Variants in CUX1 observed in about 807,000 individuals in gnomAD.
The protein encoded by CUX1 is protein CASP.
A neutral mutation model predicts 158.8 loss-of-function variants in CUX1; 31 were observed. That is an observed-to-expected ratio of 0.20 (90% CI 0.15 to 0.26). The LOEUF (loss-of-function observed/expected upper bound fraction) is 0.26, where lower values mean the gene tolerates loss of function less well. Ranked by LOEUF, CUX1 falls within the 10% of genes least tolerant of loss-of-function variation. CUX1 has a pLI of 1.00. For synonymous variants in CUX1, 879 were observed against 862.1 expected, an observed-to-expected ratio of 1.02 and a Z score of -0.34; for missense variants, 1,589 against 2,014.6, an observed-to-expected ratio of 0.79 and a Z score of 4.04.
intron 2 of CUX1, among the ~76,000 whole-genome samples, chr7:101,955,423 T>G (rs1249437428): frequency 1.3e-5 from 2 of 152,212 alleles, no homozygotes; most frequent in African/African-American, 4.8e-5. Context: ...AATAATATCA[T>G]GCCCATTTTA....
At chr7:101,874,820 G>A (rs1366442229) in intron 1 of CUX1, among the ~76,000 whole-genome samples, 2 of 152,188 alleles carry the variant, frequency 1.3e-5, no homozygotes, top group Admixed American at 1.3e-4. Context: ...TACCATTGAA[G>A]ACAATTGCAC....
chr7:102,180,960 G>C (rs1475075553), intron 11 of CUX1, among the ~76,000 whole-genome samples: 2 of 135,742 alleles, frequency 1.5e-5, no homozygotes, highest in Admixed American at 7.3e-5. Context: ...TATTTTATTT[G>C]AGACGGAATT....
At chr7:102,068,733 G>C (rs1443149711) in intron 3 of CUX1, among the ~76,000 whole-genome samples, 1 of 152,176 alleles carries the variant, frequency 6.6e-6, no homozygotes, top group Non-Finnish European at 1.5e-5. Flanking sequence ...ATAGTTCTAG[G>C]AGGGGACAGA....
intron 7 of CUX1, 123 bp downstream of exon 7, chr7:102,111,897 G>GGGA: frequency 1.3e-6 from 1 of 769,430 alleles, no homozygotes; most frequent in Non-Finnish European, 2.2e-6. Context: ...GGGAGCTGCC[G>GGGA]GGAGCCCACG....
At chr7:102,003,106 C>G (rs1037268033) in intron 2 of CUX1, among the ~76,000 whole-genome samples, 1 of 152,000 alleles carries the variant, frequency 6.6e-6, no homozygotes, top group African/African-American at 2.4e-5. Context: ...TTCGTGTTGG[C>G]CAGGCTCGTC....
intron 1 of CUX1, among the ~76,000 whole-genome samples, chr7:101,903,449 G>C (rs768061782): frequency 4.6e-5 from 7 of 152,188 alleles, no homozygotes; most frequent in Non-Finnish European, 8.8e-5. Flanking sequence ...CTACAAGGCT[G>C]AGCCTGGCAG....
chr7:102,278,212 A>G lies in CUX1; in HGVS notation c.1680+147A>G. 6 of 503,858 alleles carry G rather than the reference A, an allele frequency of 1.2e-5. No individual in the cohort carries two copies. In the South Asian group the frequency reaches 1.8e-4, roughly 15 times the overall value. 31.2% of individuals were successfully genotyped at this position (503,858 alleles called of 1,614,324 possible). The stretch of plus-strand genomic sequence containing the variant: ...CCCTGAGGCCTTCCGACATCTCCCC[A>G]CCCACCCACCTGCCTGCTAGCTGCC... On this transcript the variant is annotated intron_variant, in intron 18 of 22. Transcript: ENST00000292538.
chr7:101,984,908 C>T (rs938980341), intron 2 of CUX1, among the ~76,000 whole-genome samples: 6 of 151,992 alleles, frequency 3.9e-5, no homozygotes, highest in South Asian at 2.1e-4. Context: ...ATGCAGTTTT[C>T]GTTGTTTTAA....
At chr7:101,997,469 G>A (rs570791996) in intron 2 of CUX1, among the ~76,000 whole-genome samples, 2 of 151,958 alleles carry the variant, frequency 1.3e-5, no homozygotes, top group South Asian at 2.1e-4. Context: ...CCAGCCTCCC[G>A]AATAGCTGGG....
upstream of CUX1, chr7:101,816,897 C>T (rs1417538059): frequency 1.0e-6 from 1 of 980,322 alleles, no homozygotes; most frequent in African/African-American, 1.8e-5. Flanking sequence ...GCTCCGGCAC[C>T]CCGCGTGTGG....
At chr7:101,993,867 C>T (rs1333728204) in intron 2 of CUX1, among the ~76,000 whole-genome samples, 2 of 152,156 alleles carry the variant, frequency 1.3e-5, no homozygotes, top group Non-Finnish European at 2.9e-5. Context: ...TCCTGGACTC[C>T]CTTCTCCCCT....
At chr7:102,247,017 A>G (rs2132596125) in intron 23 of CUX1, among the ~76,000 whole-genome samples, 1 of 152,256 alleles carries the variant, frequency 6.6e-6, no homozygotes, top group South Asian at 2.1e-4. Context: ...AAGCAACATC[A>G]TGAGATCCTG....
At chr7:101,833,777 T>G (rs1275435013) in intron 1 of CUX1, among the ~76,000 whole-genome samples, 1 of 152,050 alleles carries the variant, frequency 6.6e-6, no homozygotes, top group African/African-American at 2.4e-5. Flanking sequence ...GTTTTCGCCT[T>G]CCCAGGAAGT....
intron 1 of CUX1, among the ~76,000 whole-genome samples, chr7:101,868,272 G>C (rs1258819692): frequency 6.6e-6 from 1 of 152,158 alleles, no homozygotes; most frequent in East Asian, 1.9e-4. Flanking sequence ...AAAACCTGTT[G>C]CATCCATCCC....
At chr7:102,211,040 A>G (rs1269534413) in intron 20 of CUX1, among the ~76,000 whole-genome samples, 1 of 152,236 alleles carries the variant, frequency 6.6e-6, no homozygotes, top group African/African-American at 2.4e-5. Flanking sequence ...ATAAGCAGTC[A>G]GTCGGCTCTC....
At chr7:102,200,406 G>A (rs1305162758) in intron 17 of CUX1, among the ~76,000 whole-genome samples, 5 of 151,964 alleles carry the variant, frequency 3.3e-5, no homozygotes, top group African/African-American at 9.7e-5. Flanking sequence ...GCAGTGGCAC[G>A]ATCTCAGCTC....
At chr7:101,958,074 A>G (rs1016184951) in intron 2 of CUX1, among the ~76,000 whole-genome samples, 1 of 152,162 alleles carries the variant, frequency 6.6e-6, no homozygotes, top group Admixed American at 6.5e-5. Context: ...TTGCTGGAAC[A>G]TGTTTCTGGA....
chr7:101,929,328 C>A (rs564273573), intron 2 of CUX1, among the ~76,000 whole-genome samples: 1 of 152,254 alleles, frequency 6.6e-6, no homozygotes, highest in Admixed American at 6.5e-5. Context: ...AATTTTCTCT[C>A]CTTTTGCATT....
chr7:101,904,365 C>T (rs1404352647), intron 1 of CUX1, among the ~76,000 whole-genome samples: 1 of 151,934 alleles, frequency 6.6e-6, no homozygotes, highest in Non-Finnish European at 1.5e-5. Flanking sequence ...CCCTTTTTAC[C>T]CCTACTGTCT....
Sources: gnomAD v4.1 joint callset for allele counts (sites outside exome capture counted in the v4.1 genomes callset) on GRCh38, gnomAD v4.1.1 for gene constraint, MANE v1.5 for transcripts, NCBI Gene and HGNC (gene_info 2026-07-23, HGNC 2026-07-21) for gene names.